Variants in UNC13C observed in about 807,000 individuals in gnomAD.
UNC13C encodes unc-13 homolog C.
A neutral mutation model predicts 245.4 loss-of-function variants in UNC13C; 174 were observed. The observed-to-expected ratio is 0.71, with a 90% CI of 0.63 to 0.80. The LOEUF (loss-of-function observed/expected upper bound fraction) is 0.80. Among genes scored for constraint, UNC13C ranks in the 30% least tolerant of loss-of-function variants. The pLI, the probability that UNC13C is intolerant of heterozygous loss-of-function variation, is 0.00. For missense variants in UNC13C, 2,829 were observed against 2,602.9 expected (o/e 1.09, Z -1.89); for synonymous variants, 992 against 895.1 (o/e 1.11, Z -1.93).
the UNC13C span, among the ~76,000 whole-genome samples, chr15:53,944,431 C>T: frequency 6.6e-6 from 1 of 151,992 alleles, no homozygotes; most frequent in Non-Finnish European, 1.5e-5. Flanking sequence ...CAAGGAGGCC[C>T]TTGTCGTTCT....
At chr15:54,164,556 T>C (rs887300481) in intron 4 of UNC13C, among the ~76,000 whole-genome samples, 4 of 152,194 alleles carry the variant, frequency 2.6e-5, no homozygotes, top group African/African-American at 7.2e-5. Flanking sequence ...CAACAGAACA[T>C]GAGCCTTACA....
At chr15:54,314,240 A>G (rs1366031325) in intron 13 of UNC13C, among the ~76,000 whole-genome samples, 1 of 151,776 alleles carries the variant, frequency 6.6e-6, no homozygotes, top group Non-Finnish European at 1.5e-5. Context: ...CAACATGGTG[A>G]CTATAGTTAA....
chr15:54,195,894 A>C (rs139100467), intron 4 of UNC13C, among the ~76,000 whole-genome samples: 276 of 152,232 alleles, frequency 1.8e-3, no homozygotes, highest in Middle Eastern at 3.4e-3. Context: ...AATTAATTAA[A>C]ATCATCTGCC....
chr15:54,193,514 C>T (rs2034255910), intron 4 of UNC13C, among the ~76,000 whole-genome samples: 1 of 152,118 alleles, frequency 6.6e-6, no homozygotes, highest in Admixed American at 6.6e-5. Flanking sequence ...TTAGAAGCTT[C>T]CATCTCTGTT....
the UNC13C span, among the ~76,000 whole-genome samples, chr15:53,872,920 GT>G: frequency 6.6e-6 from 1 of 152,092 alleles, no homozygotes; most frequent in Non-Finnish European, 1.5e-5. Flanking sequence ...AAATGACAAC[GT>G]TTTGCCATGT....
intron 11 of UNC13C, among the ~76,000 whole-genome samples, chr15:54,297,378 G>A (rs1438043244): frequency 6.6e-6 from 1 of 151,926 alleles, no homozygotes; most frequent in Non-Finnish European, 1.5e-5. Context: ...ATAGAGACAG[G>A]GTCTCACTCT....
intron 2 of UNC13C, among the ~76,000 whole-genome samples, chr15:54,068,989 T>A (rs1328816414): frequency 6.6e-6 from 1 of 152,214 alleles, no homozygotes; most frequent in Admixed American, 6.5e-5. Context: ...AGACTTACTT[T>A]GTATTACCTA....
At chr15:53,978,077 C>T (rs73412838), upstream of UNC13C, among the ~76,000 whole-genome samples, 3,407 of 152,268 alleles carry the variant, frequency 0.022, 94 homozygotes, top group African/African-American at 0.058. Context: ...TTCATAATTC[C>T]AAGTACAGTC....
intron 19 of UNC13C, among the ~76,000 whole-genome samples, chr15:54,418,199 A>G (rs2040561292): frequency 6.6e-6 from 1 of 152,146 alleles, no homozygotes; most frequent in Non-Finnish European, 1.5e-5. Context: ...TCTAATATAT[A>G]ACAATCTATT....
rs117043567 is a variant in UNC13C at position 54,118,773 on chromosome 15, G to T, written c.2984-24245G>T. ...TCCCTGTTCTGTATGTTAGCTATGT[G>T]TTTGTCATTTATGGCCTTTATTATT... On this transcript the variant is annotated intron_variant, in intron 2 of 32. Coordinates refer to ENST00000260323, the MANE Select transcript of UNC13C (RefSeq NM_001080534.3). Among the ~76,000 whole-genome samples, 826 of 151,918 alleles carry T rather than the reference G, an allele frequency of 5.4e-3. 4 individuals are homozygous for T. The highest frequency in any genetic ancestry group is 9.6e-3 in the Non-Finnish European group (649 of 67,940).
At chr15:54,530,789 T>C (rs1292778119) in intron 25 of UNC13C, among the ~76,000 whole-genome samples, 1 of 152,122 alleles carries the variant, frequency 6.6e-6, no homozygotes, top group Non-Finnish European at 1.5e-5. Context: ...CTATTGTGGC[T>C]GGTGCAATGA....
At chr15:54,501,862 G>C (rs1408247178) in intron 22 of UNC13C, among the ~76,000 whole-genome samples, 6 of 152,124 alleles carry the variant, frequency 3.9e-5, no homozygotes, top group African/African-American at 1.4e-4. Context: ...GACTGACATG[G>C]GAAGGGCAGG....
the UNC13C span, among the ~76,000 whole-genome samples, chr15:53,922,490 A>G: frequency 6.6e-6 from 1 of 152,198 alleles, no homozygotes; most frequent in Non-Finnish European, 1.5e-5. Flanking sequence ...ATGAATCACA[A>G]TCAAATCCAG....
chr15:54,539,849 G>A (rs1019384282), intron 26 of UNC13C, among the ~76,000 whole-genome samples: 3 of 151,878 alleles, frequency 2.0e-5, no homozygotes, highest in African/African-American at 7.3e-5. Flanking sequence ...CTTATTTTCA[G>A]TACATTTTGA....
chr15:54,312,984 T>A (rs2037914760), intron 13 of UNC13C, among the ~76,000 whole-genome samples: 1 of 151,802 alleles, frequency 6.6e-6, no homozygotes, highest in Admixed American at 6.6e-5. Flanking sequence ...TGATTTTGCA[T>A]CCTTTTTGGT....
intron 2 of UNC13C, among the ~76,000 whole-genome samples, chr15:54,111,578 A>C (rs945619831): frequency 6.6e-6 from 1 of 152,198 alleles, no homozygotes; most frequent in Non-Finnish European, 1.5e-5. Flanking sequence ...ATCGATGGGC[A>C]ATATGATCAC....
chr15:53,838,540 C>G, the UNC13C span, among the ~76,000 whole-genome samples: 3 of 151,950 alleles, frequency 2.0e-5, no homozygotes, highest in Non-Finnish European at 4.4e-5. Flanking sequence ...ACAGCTAAAT[C>G]GTTTTCTTCT....
chr15:54,249,542 T>C (rs1379479112), intron 7 of UNC13C, among the ~76,000 whole-genome samples: 1 of 152,202 alleles, frequency 6.6e-6, no homozygotes, highest in Non-Finnish European at 1.5e-5. Flanking sequence ...AGGCCCCTTT[T>C]AAATATCATG....
At chr15:54,366,796 G>GA (rs1450996438) in intron 17 of UNC13C, among the ~76,000 whole-genome samples, 1 of 151,988 alleles carries the variant, frequency 6.6e-6, no homozygotes, top group African/African-American at 2.4e-5. Flanking sequence ...TCATTTTTCT[G>GA]AAAAATGGCT....
Sources: allele counts gnomAD v4.1 joint callset (sites outside exome capture counted in the v4.1 genomes callset), GRCh38; gene constraint gnomAD v4.1.1; transcripts MANE v1.5; gene names NCBI Gene and HGNC (gene_info 2026-07-23, HGNC 2026-07-21).